Variants in CLYBL observed in about 807,000 individuals in gnomAD.
CLYBL encodes the protein citramalyl-CoA lyase, mitochondrial.
CLYBL carries 31 observed loss-of-function variants against 38.9 expected under a neutral mutation model. The observed-to-expected ratio is 0.80, with a 90% CI of 0.60 to 1.08. The LOEUF (loss-of-function observed/expected upper bound fraction) is 1.08, where lower values mean the gene tolerates loss of function less well. CLYBL is among the 50% of genes least tolerant of loss of function. The pLI, the probability that CLYBL is intolerant of heterozygous loss-of-function variation, is 0.00. For synonymous variants in CLYBL, 171 were observed against 158.6 expected (o/e 1.08, Z -0.59); for missense variants, 434 against 411.6 (o/e 1.05, Z -0.47).
At chr13:99,823,632 A>G (rs893108501) in intron 2 of CLYBL, among the ~76,000 whole-genome samples, 3 of 152,232 alleles carry the variant, frequency 2.0e-5, no homozygotes, top group East Asian at 1.9e-4. Context: ...GGCATAGCCA[A>G]TGTGGCTTGA....
intron 1 of CLYBL, among the ~76,000 whole-genome samples, chr13:99,667,694 C>T (rs2047503708): frequency 6.6e-6 from 1 of 152,078 alleles, no homozygotes; most frequent in South Asian, 2.1e-4. Flanking sequence ...ATCTAAAAAA[C>T]AAATCTCCTA....
intron 1 of CLYBL, among the ~76,000 whole-genome samples, chr13:99,733,353 A>G (rs1356695006): frequency 6.6e-6 from 1 of 152,138 alleles, no homozygotes; most frequent in Non-Finnish European, 1.5e-5. Flanking sequence ...TTGTCCCTGT[A>G]GACAGAGAGG....
chr13:99,649,004 C>A (rs1158253520), intron 1 of CLYBL, among the ~76,000 whole-genome samples: 3 of 151,588 alleles, frequency 2.0e-5, no homozygotes, highest in Admixed American at 2.0e-4. Flanking sequence ...ATAAAATCAT[C>A]TAGGATGCTA....
At chr13:99,835,131 ACTC>A (rs1328903335) in intron 2 of CLYBL, among the ~76,000 whole-genome samples, 3 of 151,570 alleles carry the variant, frequency 2.0e-5, no homozygotes, top group Non-Finnish European at 4.4e-5. Flanking sequence ...TCCTGCCACT[ACTC>A]TGTTCTCACC....
chr13:99,626,621 C>T (rs564753216), intron 1 of CLYBL, among the ~76,000 whole-genome samples: 1 of 152,292 alleles, frequency 6.6e-6, no homozygotes, highest in South Asian at 2.1e-4. Context: ...TTCATGCTCA[C>T]CTTAATGTGC....
At chr13:99,819,467 T>TATATATATATAA (rs1566340310) in intron 2 of CLYBL, among the ~76,000 whole-genome samples, 2 of 55,684 alleles carry the variant, frequency 3.6e-5, no homozygotes, top group African/African-American at 8.3e-5. Context: ...TATATATATA[T>TATATATATATAA]AATATTTGTC....
chr13:99,750,606 G>A (rs1489374153), intron 1 of CLYBL, among the ~76,000 whole-genome samples: 8 of 151,626 alleles, frequency 5.3e-5, no homozygotes, highest in East Asian at 3.9e-4. Context: ...CCTGGGAGGC[G>A]GAGGTTGTGG....
intron 1 of CLYBL, among the ~76,000 whole-genome samples, chr13:99,770,979 C>CA (rs1445707919): frequency 2.0e-5 from 3 of 150,244 alleles, no homozygotes; most frequent in African/African-American, 7.4e-5. Flanking sequence ...CTTGGCCTCC[C>CA]AAAGTGCCAG....
chr13:99,751,619 T>C (rs2048959433), intron 1 of CLYBL, among the ~76,000 whole-genome samples: 1 of 152,130 alleles, frequency 6.6e-6, no homozygotes, highest in African/African-American at 2.4e-5. Flanking sequence ...GTCAAATTCA[T>C]AGAGATGGAA....
intron 2 of CLYBL, among the ~76,000 whole-genome samples, chr13:99,855,460 G>A (rs1220486379): frequency 6.6e-6 from 1 of 152,140 alleles, no homozygotes; most frequent in Non-Finnish European, 1.5e-5. Flanking sequence ...ATGGATATTG[G>A]AGGGATGGTC....
rs548311720 is a variant in CLYBL, at chr13:99,685,876, C to T, written c.62+79119C>T. ...ACTCGGGTGGCTGAGGAACGAGAAT[C>T]GCTTGAACCCGGGAGGTGGAGGTTG... On this transcript the variant is annotated intron_variant, in intron 1 of 8. Transcript: ENST00000339105. Among the ~76,000 whole-genome samples the T allele has an allele frequency of 4.6e-5, 7 of 152,182 alleles. No individual in the cohort carries two copies. The East Asian group carries it at 7.7e-4, about 17-fold the overall frequency.
intron 2 of CLYBL, among the ~76,000 whole-genome samples, chr13:99,836,599 C>T (rs762355414): frequency 5.9e-5 from 9 of 152,208 alleles, no homozygotes; most frequent in Non-Finnish European, 1.3e-4. Flanking sequence ...CACGGTGCCA[C>T]AGTGTGATGG....
chr13:99,785,721 C>T (rs1047173151), intron 2 of CLYBL, among the ~76,000 whole-genome samples: 13 of 151,946 alleles, frequency 8.6e-5, no homozygotes, highest in South Asian at 2.1e-4. Context: ...TCAGCCTCTC[C>T]GGTAGCTGGG....
At chr13:99,796,385 C>A (rs896423066) in intron 2 of CLYBL, among the ~76,000 whole-genome samples, 6 of 152,148 alleles carry the variant, frequency 3.9e-5, no homozygotes, top group African/African-American at 1.2e-4. Flanking sequence ...CCTAAGAGGG[C>A]CAGGCTGTGG....
chr13:99,695,705 A>G (rs892437824), intron 1 of CLYBL, among the ~76,000 whole-genome samples: 2 of 152,090 alleles, frequency 1.3e-5, no homozygotes, highest in African/African-American at 4.8e-5. Flanking sequence ...TTTTTAGTAG[A>G]GAGAGATTTC....
chr13:99,691,340 T>G (rs2047898739), intron 1 of CLYBL, among the ~76,000 whole-genome samples: 2 of 152,214 alleles, frequency 1.3e-5, no homozygotes, highest in South Asian at 4.1e-4. Flanking sequence ...AACTAATTTT[T>G]AGACACAAGT....
chr13:99,821,151 G>C (rs1034232914), intron 2 of CLYBL, among the ~76,000 whole-genome samples: 2 of 152,156 alleles, frequency 1.3e-5, no homozygotes, highest in African/African-American at 4.8e-5. Flanking sequence ...TTTCCGGATG[G>C]GCTGGGAACA....
intron 1 of CLYBL, among the ~76,000 whole-genome samples, chr13:99,666,195 G>A (rs1485492943): frequency 6.6e-6 from 1 of 152,206 alleles, no homozygotes; most frequent in Non-Finnish European, 1.5e-5. Flanking sequence ...GGTAGTGACG[G>A]GGGTTAAGGG....
chr13:99,685,815 A>G (rs532695328), intron 1 of CLYBL, among the ~76,000 whole-genome samples: 1 of 152,054 alleles, frequency 6.6e-6, no homozygotes, highest in African/African-American at 2.4e-5. Flanking sequence ...TACAAAAATT[A>G]GCTGGGTTTG....
Sources: gnomAD v4.1 joint callset for allele counts (sites outside exome capture counted in the v4.1 genomes callset) on GRCh38, gnomAD v4.1.1 for gene constraint, MANE v1.5 for transcripts, NCBI Gene and HGNC (gene_info 2026-07-23, HGNC 2026-07-21) for gene names.